The following WDR83 variants were observed in gnomAD, a reference collection of about 807,000 sequenced individuals.
The protein encoded by WDR83 is WD repeat domain 83, also known as WD repeat domain-containing protein 83.
In WDR83, 37 loss-of-function variants were observed where a neutral mutation model predicts 37.7. The observed-to-expected ratio is 0.98, with a 90% CI of 0.76 to 1.29. WDR83 has a LOEUF of 1.29. Ranked by LOEUF, WDR83 falls within the 50% of genes most tolerant of loss-of-function variation. WDR83 has a pLI of 0.00. For synonymous variants in WDR83, 174 were observed against 181.1 expected, an observed-to-expected ratio of 0.96 and a Z score of 0.31; for missense variants, 445 against 414.4, an observed-to-expected ratio of 1.07 and a Z score of -0.64.
chr19:12,672,732 A>C (rs2024458648), intron 7 of WDR83, 115 bp from the exon 8 acceptor site: 1 of 1,106,630 alleles, frequency 9.0e-7, no homozygotes, highest in South Asian at 1.4e-5. Flanking sequence ...CCAGAGCTTC[A>C]GAATTCCACT....
intron 7 of WDR83, 58 bp downstream of exon 7, chr19:12,670,879 C>T (rs1396409193): frequency 1.5e-5 from 23 of 1,571,360 alleles, no homozygotes; most frequent in Non-Finnish European, 2.0e-5. Flanking sequence ...ATAGCTGCCC[C>T]CATGCTCAGA....
At position 12,675,640 on chromosome 19, in the gene WDR83, G is replaced by A; in HGVS notation, c.916G>A (p.Glu306Lys). The A allele has an allele frequency of 1.9e-6, 3 of 1,601,704 alleles. No homozygotes were observed. The highest frequency in any genetic ancestry group is 2.5e-6 in the Non-Finnish European group (3 of 1,179,692). Reference protein sequence around the residue: ...MGGSVQCWREEAYEAEDGAG With the variant: ...MGGSVQCWREKAYEAEDGAG The stretch of plus-strand genomic sequence containing the variant: ...AGGCAGCGTCCAGTGCTGGCGAGAG[G>A]AGGCCTATGAGGCAGAGGATGGAGC... The change falls in exon 11 of 11, where the codon GAG (glutamate) becomes AAG (lysine). Residue 306 changes from glutamate to lysine, a missense_variant. Transcript: ENST00000418543.
At chr19:12,673,442 A>T (rs1198812952) in intron 10 of WDR83, 126 bp downstream of exon 10, 2 of 643,536 alleles carry the variant, frequency 3.1e-6, no homozygotes, top group African/African-American at 4.3e-5. Context: ...TTTTTGAGAC[A>T]AGTCTTGCTC....
chr19:12,672,787 G>T (rs2024459932), intron 7 of WDR83, 60 bp from the exon 8 acceptor site: 14 of 1,528,132 alleles, frequency 9.2e-6, no homozygotes, highest in Non-Finnish European at 1.2e-5. Flanking sequence ...GAAGGCACAG[G>T]GCTGCCTGGA....
rs2024264252 is a variant in WDR83, at chr19:12,666,855, G to T, written c.-294G>T. 1 of 729,798 alleles carries T rather than the reference G, an allele frequency of 1.4e-6. No homozygotes were observed. The highest frequency in any genetic ancestry group is 1.9e-5 in the South Asian group (1 of 52,688). The allele number at this position is 729,798 out of a possible 1,614,324, so 45.2% of individuals were successfully genotyped here. A position where few individuals can be genotyped will look rare whatever the true frequency, so the allele number is the denominator to read the frequency against. ...GAGGCTGTAGCCCTGGGCAATCCCG[G>T]GGGTCGTTACAGGAAGGTAGGAAAA... is the stretch of plus-strand genomic sequence containing the variant. On this transcript the variant is annotated 5_prime_UTR_variant, in exon 1 of 11. Transcript: ENST00000418543.
rs749052560 is a variant in WDR83 at position 12,670,611 on chromosome 19, G to T, written c.379G>T (p.Gly127Cys). 2 of 1,614,210 alleles carry T rather than the reference G, an allele frequency of 1.2e-6. No individual in the cohort carries two copies. The highest frequency in any genetic ancestry group is 1.7e-6 in the Non-Finnish European group (2 of 1,180,040). Residue 127 changes from glycine (G) to cysteine (C), a missense_variant and splice_region_variant, in exon 6 of 11, where the codon GGC (glycine) becomes TGC (cysteine). Transcript: ENST00000418543. ...TGAAGAGGCCACAGTTATCCTGTCCGGTGAGTCTGGGGCCTAAGCACGGGG... is the reference window on the plus strand; with the variant it reads ...TGAAGAGGCCACAGTTATCCTGTCCTGTGAGTCTGGGGCCTAAGCACGGGG... ...FNEEATVILS[G>C]SIDSSIRCWD...
Position 12,670,179 on chromosome 19 carries a change from G to C in WDR83, c.225-1G>C. On this transcript the variant is annotated splice_acceptor_variant, in intron 4 of 10. Transcript: ENST00000418543. LOFTEE classifies it high-confidence loss of function. ...CTGATCCTCCTCCTCCTTTACTCCA[G>C]CTCCTTTGACAACAGTAGTCTCTGC... The C allele has an allele frequency of 1.2e-6, 2 of 1,613,296 alleles. No homozygotes were observed. Among genetic ancestry groups the C allele is most frequent in the Non-Finnish European group, 1.7e-6 (2 of 1,179,528 alleles).
At chr19:12,669,246 C>A (rs1435838167) in intron 2 of WDR83, 9 of 1,613,490 alleles carry the variant, frequency 5.6e-6, no homozygotes, top group African/African-American at 2.7e-5. Flanking sequence ...GCGACAGGCT[C>A]GAGGGTCAGG....
chr19:12,669,092 G>A (rs181324830), intron 2 of WDR83: 1 of 1,602,106 alleles, frequency 6.2e-7, no homozygotes, highest in South Asian at 1.1e-5. Flanking sequence ...TCGTTCTCAG[G>A]TCCAACTACA....
At chr19:12,672,772 G>A in intron 7 of WDR83, 75 bp from the exon 8 acceptor site, 1 of 1,468,024 alleles carries the variant, frequency 6.8e-7, no homozygotes, top group Non-Finnish European at 9.3e-7. Context: ...GGCCCACTGG[G>A]CTGGGAAGGC....
At chr19:12,673,745 G>A (rs2024489718) in intron 10 of WDR83, among the ~76,000 whole-genome samples, 1 of 151,584 alleles carries the variant, frequency 6.6e-6, no homozygotes, top group South Asian at 2.1e-4. Flanking sequence ...CTATTGCCCA[G>A]GCAAATGCAG....
At chr19:12,673,488 G>A (rs1036603217) in intron 10 of WDR83, among the ~76,000 whole-genome samples, 172 bp downstream of exon 10, 4 of 147,212 alleles carry the variant, frequency 2.7e-5, no homozygotes, top group African/African-American at 1.0e-4. Context: ...CGCAATCTTG[G>A]CTCACTGTAA....
chr19:12,669,636 C>T (rs1355830133), intron 2 of WDR83, 119 bp from the exon 3 acceptor site: 4 of 958,818 alleles, frequency 4.2e-6, no homozygotes, highest in Non-Finnish European at 6.1e-6. Flanking sequence ...AGTTCCAACC[C>T]GATCACCGAA....
In WDR83 at chr19:12,675,767, G is replaced by C. The variant is rs1380518836; in HGVS notation, c.*95G>C. 1 of 1,566,988 alleles carries C rather than the reference G, an allele frequency of 6.4e-7. No homozygotes were observed. Among genetic ancestry groups the C allele is most frequent in the South Asian group, 1.2e-5 (1 of 86,614 alleles). On this transcript the variant is annotated 3_prime_UTR_variant, in exon 11 of 11. Transcript: ENST00000418543. Reference sequence around the variant, plus strand: ...TTCTAGAGACGTAGCTGACCAAAAAGTAGGGGAGGGGCTGGGTCTGCAAAT... The same window carrying C: ...TTCTAGAGACGTAGCTGACCAAAAACTAGGGGAGGGGCTGGGTCTGCAAAT...
In WDR83 at chr19:12,674,063, G is replaced by A. The variant is rs528055729; in HGVS notation, c.798+747G>A. Among the ~76,000 whole-genome samples, 9 of 152,332 alleles carry A rather than the reference G, an allele frequency of 5.9e-5. 1 individual carries two copies. The highest frequency in any genetic ancestry group is 2.0e-4 in the Admixed American group (3 of 15,292). ...GCAAAGGGAACAGCATATGTTAAGA[G>A]GTGTAGCCTGCGCATGCATCAGTCA... On this transcript the variant is annotated intron_variant, in intron 10 of 10. Coordinates refer to ENST00000418543, the MANE Select transcript of WDR83 (RefSeq NM_001099737.3).
In WDR83 at chr19:12,675,751, C is replaced by T. The variant is rs1361614864; in HGVS notation, c.*79C>T. The stretch of plus-strand genomic sequence containing the variant: ...TTCAGATACCATCTTATTCTAGAGA[C>T]GTAGCTGACCAAAAAGTAGGGGAGG... On this transcript the variant is annotated 3_prime_UTR_variant, in exon 11 of 11. Transcript: ENST00000418543. 1.0e-5 allele frequency: 16 copies of T among 1,566,960 alleles called. No individual in the cohort carries two copies. The highest frequency in any genetic ancestry group is 4.6e-5 in the South Asian group (4 of 87,036).
At chr19:12,671,976 G>A (rs900765985) in intron 7 of WDR83, among the ~76,000 whole-genome samples, 43 of 152,212 alleles carry the variant, frequency 2.8e-4, no homozygotes, top group African/African-American at 1.0e-3. Context: ...AATCACAGGC[G>A]TGAGCCACCG....
chr19:12,671,056 G>A (rs2024401226), intron 7 of WDR83: 4 of 525,052 alleles, frequency 7.6e-6, no homozygotes, highest in South Asian at 2.0e-5. Flanking sequence ...GGCCGGGCAC[G>A]GTGGCTCACA....
chr19:12,672,599 ACT>A (rs1301894848), intron 7 of WDR83: 5 of 532,092 alleles, frequency 9.4e-6, no homozygotes, highest in South Asian at 2.1e-5. Flanking sequence ...CAAGAGCAAA[ACT>A]CTGTCTCAAA....
Sources: allele counts gnomAD v4.1 joint callset (sites outside exome capture counted in the v4.1 genomes callset), GRCh38; gene constraint gnomAD v4.1.1; transcripts MANE v1.5; gene names NCBI Gene and HGNC (gene_info 2026-07-23, HGNC 2026-07-21).